ASIC2: variants seen among roughly 807,000 people sequenced by gnomAD.
ASIC2 encodes acid-sensing ion channel 2.
Under a neutral mutation model 57.3 loss-of-function variants are expected in ASIC2, and 25 were observed. The ratio of observed to expected loss-of-function variants is 0.44; its 90% CI spans 0.32 to 0.61. ASIC2 has a LOEUF of 0.61. Among genes scored for constraint, ASIC2 ranks in the 20% least tolerant of loss-of-function variants. The pLI is 0.06. For synonymous variants in ASIC2, 319 were observed against 307.5 expected (o/e 1.04, Z -0.39); for missense variants, 641 against 738.1 (o/e 0.87, Z 1.52).
intron 1 of ASIC2, among the ~76,000 whole-genome samples, chr17:33,863,523 C>T (rs1049706802): frequency 8.5e-5 from 13 of 152,184 alleles, no homozygotes; most frequent in African/African-American, 2.9e-4. Flanking sequence ...AACTTGTCTC[C>T]CACCTCAGTG....
intron 1 of ASIC2, among the ~76,000 whole-genome samples, chr17:33,302,000 C>G (rs1321942705): frequency 6.6e-6 from 1 of 152,234 alleles, no homozygotes; most frequent in Non-Finnish European, 1.5e-5. Flanking sequence ...TGTCCTTCTC[C>G]TCACAGGGGT....
chr17:33,437,680 C>T (rs1597727768), intron 1 of ASIC2, among the ~76,000 whole-genome samples: 1 of 152,230 alleles, frequency 6.6e-6, no homozygotes, highest in East Asian at 1.9e-4. Flanking sequence ...CCTGTAGTCC[C>T]AGCTACTTGG....
At chr17:33,638,945 C>T (rs1362634853) in intron 1 of ASIC2, among the ~76,000 whole-genome samples, 2 of 151,946 alleles carry the variant, frequency 1.3e-5, no homozygotes, top group East Asian at 1.9e-4. Context: ...AGGACTGCAC[C>T]CCAGTTGTCC....
intron 1 of ASIC2, among the ~76,000 whole-genome samples, chr17:33,602,981 T>C (rs1905145602): frequency 6.6e-6 from 1 of 152,190 alleles, no homozygotes; most frequent in South Asian, 2.1e-4. Flanking sequence ...CAATATCTCT[T>C]ATGCAGAGAG....
intron 1 of ASIC2, among the ~76,000 whole-genome samples, chr17:33,114,432 C>A (rs192706980): frequency 4.6e-5 from 7 of 152,332 alleles, no homozygotes; most frequent in Middle Eastern, 6.8e-3. Flanking sequence ...TTTGTAGACA[C>A]TCTAAATATC....
intron 3 of ASIC2, among the ~76,000 whole-genome samples, chr17:33,061,461 C>T (rs1386526008): frequency 2.0e-5 from 3 of 152,116 alleles, no homozygotes; most frequent in African/African-American, 2.4e-5. Context: ...TGCTGGATTA[C>T]GTTTATTGAT....
intron 3 of ASIC2, among the ~76,000 whole-genome samples, chr17:33,041,764 A>T (rs1235621791): frequency 2.0e-5 from 3 of 152,234 alleles, no homozygotes; most frequent in Non-Finnish European, 4.4e-5. Flanking sequence ...AGGTGGGCTT[A>T]GCACCAAATC....
chr17:33,369,781 G>A (rs1908972681), intron 1 of ASIC2, among the ~76,000 whole-genome samples: 2 of 152,186 alleles, frequency 1.3e-5, no homozygotes, highest in South Asian at 4.1e-4. Context: ...TTCCATTAGA[G>A]CATGATTACT....
intron 1 of ASIC2, among the ~76,000 whole-genome samples, chr17:33,605,739 A>T (rs1905215521): frequency 6.6e-6 from 1 of 152,192 alleles, no homozygotes; most frequent in Admixed American, 6.5e-5. Context: ...AACCAAGGAG[A>T]TTCTAGATCC....
At chr17:33,599,539 T>C (rs1905072865) in intron 1 of ASIC2, among the ~76,000 whole-genome samples, 1 of 152,202 alleles carries the variant, frequency 6.6e-6, no homozygotes, top group Non-Finnish European at 1.5e-5. Flanking sequence ...TGTATGTAGA[T>C]GACAGCTGGC....
At chr17:33,563,044 C>T (rs1244651850) in intron 1 of ASIC2, among the ~76,000 whole-genome samples, 1 of 152,172 alleles carries the variant, frequency 6.6e-6, no homozygotes, top group Non-Finnish European at 1.5e-5. Flanking sequence ...GGAGATTGCT[C>T]AAGGGAATGG....
chr17:33,874,051 C>T (rs139150239), intron 1 of ASIC2, among the ~76,000 whole-genome samples: 14 of 152,336 alleles, frequency 9.2e-5, no homozygotes, highest in Middle Eastern at 3.4e-3. Flanking sequence ...TTTAGCCCCA[C>T]GTCTTCGGGC....
In ASIC2 at chr17:33,677,486, G is replaced by T. The variant is rs1029124840; in HGVS notation, c.555+478492C>A. Among the ~76,000 whole-genome samples, 5 of 152,122 alleles carry T rather than the reference G, an allele frequency of 3.3e-5. No homozygotes were observed. The South Asian group carries it at 1.0e-3, about 32-fold the overall frequency. ...AGATAGTAATTCCCCTGATGAATCC[G>T]GGCAAAGTGAATTCAGAACCTTCTG... On this transcript the variant is annotated intron_variant, in intron 1 of 9. Coordinates refer to the ASIC2 transcript ENST00000359872.
chr17:33,372,424 C>G (rs551920281), intron 1 of ASIC2, among the ~76,000 whole-genome samples: 28 of 151,972 alleles, frequency 1.8e-4, no homozygotes, highest in Non-Finnish European at 2.8e-4. Flanking sequence ...CCCTGGGGCC[C>G]GGGGGAATGA....
At chr17:33,140,315 C>T (rs2092382553) in intron 1 of ASIC2, among the ~76,000 whole-genome samples, 1 of 152,212 alleles carries the variant, frequency 6.6e-6, no homozygotes, top group African/African-American at 2.4e-5. Flanking sequence ...TCTCCACTCC[C>T]CAGTGCTGGG....
Position 33,684,151 on chromosome 17 carries a change from C to G in ASIC2, c.555+471827G>C, listed in dbSNP as rs1292571959. Among the ~76,000 whole-genome samples the G allele has an allele frequency of 2.0e-5, 3 of 152,186 alleles. No individual in the cohort carries two copies. The East Asian group carries it at 5.8e-4, about 29-fold the overall frequency. The stretch of plus-strand genomic sequence containing the variant: ...CTGTTTTTGACTTCTAAGGATCTTC[C>G]ATAAAAGGCTCTAGGCTAGAACCTG... On this transcript the variant is annotated intron_variant, in intron 1 of 9. Coordinates refer to the ASIC2 transcript ENST00000359872.
chr17:33,798,900 G>A (rs1411885127), intron 1 of ASIC2, among the ~76,000 whole-genome samples: 2 of 152,112 alleles, frequency 1.3e-5, no homozygotes, highest in African/African-American at 2.4e-5. Context: ...TGTGGGCCCT[G>A]GAGACTACAT....
At chr17:33,717,541 G>C (rs1909260406) in intron 1 of ASIC2, among the ~76,000 whole-genome samples, 1 of 152,194 alleles carries the variant, frequency 6.6e-6, no homozygotes, top group Admixed American at 6.5e-5. Context: ...ACTCTGGAAA[G>C]ACCCAACTGT....
chr17:33,979,604 G>A (rs1905537033), intron 1 of ASIC2, among the ~76,000 whole-genome samples: 1 of 152,208 alleles, frequency 6.6e-6, no homozygotes, highest in East Asian at 1.9e-4. Flanking sequence ...AAGGCCTCAT[G>A]TGTCAGGAAA....
Sources: allele counts gnomAD v4.1 joint callset (sites outside exome capture counted in the v4.1 genomes callset), GRCh38; gene constraint gnomAD v4.1.1; transcripts MANE v1.5; gene names NCBI Gene and HGNC (gene_info 2026-07-23, HGNC 2026-07-21).